Variants in TRIM5 observed in about 807,000 individuals in gnomAD.
TRIM5 encodes the protein tripartite motif-containing protein 5.
TRIM5 carries 31 observed loss-of-function variants against 35.6 expected under a neutral mutation model. That is an observed-to-expected ratio of 0.87 (90% CI 0.65 to 1.18). The LOEUF is 1.18. Among genes scored for constraint, TRIM5 ranks in the 50% most tolerant of loss-of-function variants. The pLI, the probability that TRIM5 is intolerant of heterozygous loss-of-function variation, is 0.00. For synonymous variants in TRIM5, 243 were observed against 215.6 expected, an observed-to-expected ratio of 1.13 and a Z score of -1.11; for missense variants, 609 against 591.6, an observed-to-expected ratio of 1.03 and a Z score of -0.31.
At chr11:5,623,692 T>C in the TRIM5 span, among the ~76,000 whole-genome samples, 1 of 152,140 alleles carries the variant, frequency 6.6e-6, no homozygotes, top group African/African-American at 2.4e-5. Context: ...ATAATACTTT[T>C]AATTTCAAAA....
chr11:5,661,281 C>T (rs1012388096), downstream of TRIM5, among the ~76,000 whole-genome samples: 1 of 151,986 alleles, frequency 6.6e-6, no homozygotes, highest in Admixed American at 6.6e-5. Flanking sequence ...CTGCCCGATG[C>T]TTATTCCATC....
the TRIM5 span, chr11:5,608,228 C>T: frequency 8.1e-7 from 1 of 1,237,010 alleles, no homozygotes; most frequent in East Asian, 2.6e-5. Context: ...ACAGTCTGCC[C>T]TGAGTTTTTT....
chr11:5,663,381 T>G lies in TRIM5; in HGVS notation c.*1428A>C. 1.0e-6 allele frequency: 1 copy of G among 972,940 alleles called. No individual in the cohort carries two copies. The allele number at this position is 972,940 out of a possible 1,614,324, so 60.3% of individuals were successfully genotyped here. A position where few individuals can be genotyped will look rare whatever the true frequency, so the allele number is the denominator to read the frequency against. On this transcript the variant is annotated 3_prime_UTR_variant, in exon 8 of 8. Transcript: ENST00000380034. ...ATCCTAAATATATGTGTGTATTATA[T>G]ATAGAAGGCAGAATTGAAGTCATTT... is the stretch of plus-strand genomic sequence containing the variant.
chr11:5,661,843 A>C (rs1430722798), downstream of TRIM5, among the ~76,000 whole-genome samples: 1 of 152,170 alleles, frequency 6.6e-6, no homozygotes, highest in African/African-American at 2.4e-5. Context: ...GTTTGAAAAA[A>C]TCCTTCAGTG....
chr11:5,614,433 T>C, the TRIM5 span, among the ~76,000 whole-genome samples: 1 of 152,248 alleles, frequency 6.6e-6, no homozygotes, highest in Non-Finnish European at 1.5e-5. Context: ...TCATTTTCTA[T>C]TAATGAGAAT....
At chr11:5,635,186 C>T in the TRIM5 span, among the ~76,000 whole-genome samples, 3 of 151,504 alleles carry the variant, frequency 2.0e-5, no homozygotes, top group Non-Finnish European at 4.4e-5. Flanking sequence ...TAAGAGCATA[C>T]ACATTTAAGA....
chr11:5,623,452 C>T, the TRIM5 span, among the ~76,000 whole-genome samples: 1 of 151,874 alleles, frequency 6.6e-6, no homozygotes, highest in Non-Finnish European at 1.5e-5. Flanking sequence ...ACTGCAACCT[C>T]CGCCTCCCGG....
chr11:5,596,943 T>C, the TRIM5 span: 14 of 1,613,978 alleles, frequency 8.7e-6, no homozygotes, highest in Non-Finnish European at 1.2e-5. Context: ...TGACTGGCTC[T>C]TATTGTCACT....
chr11:5,646,694 G>A, the TRIM5 span, among the ~76,000 whole-genome samples: 1 of 152,136 alleles, frequency 6.6e-6, no homozygotes, highest in Non-Finnish European at 1.5e-5. Flanking sequence ...GGACACCACT[G>A]ATTTCCTATC....
downstream of TRIM5, among the ~76,000 whole-genome samples, chr11:5,659,217 G>T (rs1850733592): frequency 6.6e-6 from 1 of 152,054 alleles, no homozygotes; most frequent in Admixed American, 6.5e-5. Context: ...CACCCCTAGA[G>T]GTTGCTGTGG....
chr11:5,668,386 A>G (rs1228089510), intron 4 of TRIM5, among the ~76,000 whole-genome samples: 1 of 152,240 alleles, frequency 6.6e-6, no homozygotes, highest in Non-Finnish European at 1.5e-5. Context: ...AATAGTGCTC[A>G]AGATGTTTAC....
chr11:5,642,658 T>G, the TRIM5 span: 2 of 1,378,384 alleles, frequency 1.5e-6, no homozygotes, highest in Non-Finnish European at 1.9e-6. Flanking sequence ...TGCATTTATA[T>G]GTAAGGAAAA....
the TRIM5 span, among the ~76,000 whole-genome samples, chr11:5,608,572 G>A: frequency 2.6e-5 from 4 of 152,068 alleles, no homozygotes; most frequent in Admixed American, 2.0e-4. Flanking sequence ...GGCCTCTCTG[G>A]TAGGAAAATG....
chr11:5,588,947 C>G, the TRIM5 span: 3 of 152,000 alleles, frequency 2.0e-5, no homozygotes, highest in African/African-American at 7.3e-5. Flanking sequence ...CCACACCTGG[C>G]TAATTTTTTT....
At chr11:5,653,560 C>T in the TRIM5 span, among the ~76,000 whole-genome samples, 22 of 147,412 alleles carry the variant, frequency 1.5e-4, no homozygotes, top group African/African-American at 4.8e-4. Context: ...GGAGTGATCT[C>T]GACTCACTGC....
At chr11:5,599,308 A>G in the TRIM5 span, among the ~76,000 whole-genome samples, 4 of 152,194 alleles carry the variant, frequency 2.6e-5, no homozygotes, top group Non-Finnish European at 4.4e-5. Flanking sequence ...CTGAAATGAA[A>G]GTGTGCATGT....
the TRIM5 span, among the ~76,000 whole-genome samples, chr11:5,596,403 A>AGC: frequency 6.6e-6 from 1 of 151,228 alleles, no homozygotes; most frequent in African/African-American, 2.4e-5. Flanking sequence ...TCTATTCTAC[A>AGC]AGCTGAAGTA....
At chr11:5,630,900 G>A in the TRIM5 span, among the ~76,000 whole-genome samples, 60 of 152,116 alleles carry the variant, frequency 3.9e-4, no homozygotes, top group African/African-American at 1.3e-3. Context: ...TTTTAATCAC[G>A]GAAGATAATA....
the TRIM5 span, chr11:5,634,548 T>G: frequency 1.0e-6 from 1 of 987,928 alleles, no homozygotes; most frequent in Non-Finnish European, 1.4e-6. Context: ...TATATATATA[T>G]TTCCCTACTG....
Sources: gnomAD v4.1 joint callset for allele counts (sites outside exome capture counted in the v4.1 genomes callset) on GRCh38, gnomAD v4.1.1 for gene constraint, MANE v1.5 for transcripts, NCBI Gene and HGNC (gene_info 2026-07-23, HGNC 2026-07-21) for gene names.